FNTB: variants seen among roughly 807,000 people sequenced by gnomAD.
The protein encoded by FNTB is farnesyltransferase, CAAX box, subunit beta.
Under a neutral mutation model 59.4 loss-of-function variants are expected in FNTB, and 27 were observed. That is an observed-to-expected ratio of 0.45 (90% CI 0.34 to 0.63). The LOEUF (loss-of-function observed/expected upper bound fraction) is 0.63, where lower values mean the gene tolerates loss of function less well. Ranked by LOEUF, FNTB falls within the 20% of genes least tolerant of loss-of-function variation. The pLI, the probability that FNTB is intolerant of heterozygous loss-of-function variation, is 0.02. For synonymous variants in FNTB, 230 were observed against 220.7 expected, an observed-to-expected ratio of 1.04 and a Z score of -0.37; for missense variants, 449 against 559.6, an observed-to-expected ratio of 0.80 and a Z score of 1.99.
chr14:65,040,684 C>A, intron 7 of FNTB, 106 bp from the exon 8 acceptor site: 5 of 1,161,828 alleles, frequency 4.3e-6, no homozygotes, highest in East Asian at 4.6e-5. Flanking sequence ...TGTGATGGTT[C>A]ACACCTTAAT....
rs1299769201 is a variant in FNTB at position 65,060,645 on chromosome 14, G to A, written c.1183-536G>A. On this transcript the variant is annotated intron_variant, in intron 11 of 11. Transcript: ENST00000246166. ...CGGGAGGCGGAGCTTGCAGTGAGCC[G>A]AGATCCCGCCACTGCACTCCAGCCT... Among the ~76,000 whole-genome samples, 3 of 117,622 alleles carry A rather than the reference G, an allele frequency of 2.6e-5. 1 individual carries two copies. Among genetic ancestry groups the A allele is most frequent in the African/African-American group, 1.0e-4 (2 of 19,144 alleles). The allele number at this position is 117,622 out of a possible 152,430, so 77.2% of individuals were successfully genotyped here.
At position 65,053,149 on chromosome 14, in the gene FNTB, G is replaced by T. The variant is rs547420027; in HGVS notation, c.956-89G>T. 1.7e-5 allele frequency: 18 copies of T among 1,052,712 alleles called. No individual in the cohort carries two copies. The South Asian group carries it at 6.5e-4, about 38-fold the overall frequency. 65.2% of individuals were successfully genotyped at this position (1,052,712 alleles called of 1,614,324 possible). ...AAGAGGAAGGGGAGCAGGAAACCTTGACTATTCCCCCAGGTGAGAAAGTGG... is the reference window on the plus strand; with the variant it reads ...AAGAGGAAGGGGAGCAGGAAACCTTTACTATTCCCCCAGGTGAGAAAGTGG... On this transcript the variant is annotated intron_variant, in intron 9 of 11. Transcript: ENST00000246166.
At chr14:65,010,745 TTTTGTTTG>T (rs1321549963) in intron 2 of FNTB, among the ~76,000 whole-genome samples, 2 of 152,148 alleles carry the variant, frequency 1.3e-5, no homozygotes, top group Non-Finnish European at 2.9e-5. Context: ...ATCCTTGTTT[TTTTGTTTG>T]TTTGTTTGTT....
intron 1 of FNTB, among the ~76,000 whole-genome samples, chr14:65,002,405 T>C (rs915595266): frequency 6.6e-6 from 1 of 152,118 alleles, no homozygotes; most frequent in Non-Finnish European, 1.5e-5. Context: ...GGTCAGGAGT[T>C]CGAGACCAGC....
chr14:65,021,398 T>A (rs893494769), intron 4 of FNTB, among the ~76,000 whole-genome samples: 1 of 152,240 alleles, frequency 6.6e-6, no homozygotes, highest in African/African-American at 2.4e-5. Flanking sequence ...TGTTAGTAGC[T>A]TATCCCCGGA....
At position 65,016,837 on chromosome 14, in the gene FNTB, C is replaced by T. The variant is rs145983451; in HGVS notation, c.374+1121C>T. On this transcript the variant is annotated intron_variant, in intron 4 of 11. Transcript: ENST00000246166. ...TGATCATCGGGATGCCACTGCAAGC[C>T]TGGCTGCTTCCAGCACTGGAAGGAG... Among the ~76,000 whole-genome samples, 352 of 151,950 alleles carry T rather than the reference C, an allele frequency of 2.3e-3. 2 individuals are homozygous for T. Among genetic ancestry groups the T allele is most frequent in the African/African-American group, 8.1e-3 (337 of 41,410 alleles).
Position 65,027,808 on chromosome 14 carries a change from A to C in FNTB, c.605+27A>C, listed in dbSNP as rs933830651. ...TGAGTGGGGTTTTGCACAGGCTGCC[A>C]CATCAGTTGACTCTAGAGCTCATCT... On this transcript the variant is annotated intron_variant, in intron 6 of 11. Coordinates refer to ENST00000246166, the MANE Select transcript of FNTB (RefSeq NM_002028.4). The surrounding 1 kb of genome is among the most constrained non-coding windows in gnomAD (Gnocchi z 5.7). The C allele has an allele frequency of 6.8e-6, 11 of 1,613,632 alleles. No individual in the cohort carries two copies. Among genetic ancestry groups the C allele is most frequent in the Non-Finnish European group, 7.6e-6 (9 of 1,179,894 alleles).
At chr14:65,013,987 T>C (rs1416372397) in intron 3 of FNTB, among the ~76,000 whole-genome samples, 2 of 152,248 alleles carry the variant, frequency 1.3e-5, no homozygotes, top group Admixed American at 6.5e-5. Flanking sequence ...GGATTCAAAC[T>C]TAAGCTGCAT....
Position 65,053,428 on chromosome 14 carries a change from C to G in FNTB, c.1067+79C>G, listed in dbSNP as rs936067351. On this transcript the variant is annotated intron_variant, in intron 10 of 11. Transcript: ENST00000246166. ...GCGTGCACCTCAGGCCTACTCAGAG[C>G]CAGATCTCAAGAGCAGAGGTGTCAC... The G allele has an allele frequency of 9.2e-6, 11 of 1,192,660 alleles. No homozygotes were observed. In the African/African-American group the frequency reaches 1.6e-4, roughly 17 times the overall value. 73.9% of individuals were successfully genotyped at this position (1,192,660 alleles called of 1,614,324 possible). A position where few individuals can be genotyped will look rare whatever the true frequency, so the allele number is the denominator to read the frequency against.
Position 64,990,595 on chromosome 14 carries a change from A to T in FNTB, c.144+3498A>T, listed in dbSNP as rs1888161160. 6.6e-6 allele frequency among the ~76,000 whole-genome samples: 1 copy of T among 152,158 alleles called. No individual in the cohort carries two copies. The highest frequency in any genetic ancestry group is 1.5e-5 in the Non-Finnish European group (1 of 68,020). ...TCTTGTGGTTTCCCTACACCTGCCC[A>T]CATCTTTGTAAATAGTTCCTTTATA... On this transcript the variant is annotated intron_variant, in intron 1 of 11. Transcript: ENST00000246166. This position sits in a 1 kb window ranked among gnomAD's most constrained non-coding sequence, Gnocchi z 5.2.
rs1176593724 is a variant in FNTB at position 65,029,325 on chromosome 14, CA to C, written c.605+1545del. ...TTGCCTGGAAGCATCAGCCAGTCCT[CA>C]GGAGTGCTTGTTTGGGTGGATTTGA... On this transcript the variant is annotated intron_variant, in intron 6 of 11. Transcript: ENST00000246166. This position sits in a 1 kb window ranked among gnomAD's most constrained non-coding sequence, Gnocchi z 4.7. Among the ~76,000 whole-genome samples, 2 of 152,210 alleles carry C rather than the reference CA, an allele frequency of 1.3e-5. No homozygotes were observed. The highest frequency in any genetic ancestry group is 2.9e-5 in the Non-Finnish European group (2 of 68,042).
intron 1 of FNTB, among the ~76,000 whole-genome samples, chr14:64,998,425 AATT>A (rs1436247708): frequency 1.3e-5 from 2 of 150,804 alleles, no homozygotes; most frequent in South Asian, 4.2e-4. Flanking sequence ...CTTTTAAGAT[AATT>A]ATTATTGGCT....
intron 11 of FNTB, among the ~76,000 whole-genome samples, chr14:65,059,431 G>A (rs372159123): frequency 3.3e-5 from 5 of 152,032 alleles, no homozygotes; most frequent in Admixed American, 6.6e-5. Flanking sequence ...TCTAGGTCTA[G>A]TATCTTTTAA....
intron 11 of FNTB, 113 bp from the exon 12 acceptor site, chr14:65,061,068 A>G (rs2062856328): frequency 2.0e-6 from 3 of 1,510,830 alleles, no homozygotes; most frequent in Non-Finnish European, 2.7e-6. Flanking sequence ...CTTTGTGTGT[A>G]TCTCTGATTC....
At chr14:65,013,842 C>T (rs2061724974) in intron 3 of FNTB, among the ~76,000 whole-genome samples, 1 of 152,210 alleles carries the variant, frequency 6.6e-6, no homozygotes, top group Non-Finnish European at 1.5e-5. Context: ...GCTACTGCGC[C>T]CAGTTGCATT....
At chr14:65,045,525 C>T (rs2062458804) in intron 9 of FNTB, among the ~76,000 whole-genome samples, 1 of 150,716 alleles carries the variant, frequency 6.6e-6, no homozygotes, top group African/African-American at 2.4e-5. Flanking sequence ...AAGCAATTCT[C>T]CTGCCTCAGC....
chr14:65,003,421 G>A (rs985647209), intron 1 of FNTB: 3 of 151,732 alleles, frequency 2.0e-5, no homozygotes, highest in African/African-American at 7.3e-5. Flanking sequence ...GTGGAGGGGA[G>A]AAAAAAAATC....
chr14:65,050,568 G>A (rs2062584446), intron 9 of FNTB, among the ~76,000 whole-genome samples: 1 of 152,184 alleles, frequency 6.6e-6, no homozygotes, highest in African/African-American at 2.4e-5. Context: ...TCCAGCCTGG[G>A]CGACAGAGCA....
At chr14:65,022,162 T>C (rs2061900633) in intron 4 of FNTB, 1 of 435,620 alleles carries the variant, frequency 2.3e-6, no homozygotes, top group Non-Finnish European at 4.6e-6. Context: ...GAAGCTGTTT[T>C]AGTTAGTACG....
Sources: allele counts gnomAD v4.1 joint callset (sites outside exome capture counted in the v4.1 genomes callset), GRCh38; gene constraint gnomAD v4.1.1; non-coding constraint Gnocchi (gnomAD v3.1); transcripts MANE v1.5; gene names NCBI Gene and HGNC (gene_info 2026-07-23, HGNC 2026-07-21).